Variants in FBLN2 observed in about 807,000 individuals in gnomAD.
The protein encoded by FBLN2 is fibulin 2, also known as fibulin-2.
In FBLN2, 81 loss-of-function variants were observed where a neutral mutation model predicts 123.7. The observed-to-expected ratio is 0.65, with a 90% confidence interval of 0.55 to 0.79. The LOEUF (loss-of-function observed/expected upper bound fraction) is 0.79, where lower values mean the gene tolerates loss of function less well. FBLN2 is among the 30% of genes least tolerant of loss of function. FBLN2 has a pLI of 0.00. For missense variants in FBLN2, 1,603 were observed against 1,681.3 expected, an observed-to-expected ratio of 0.95 and a Z score of 0.81; for synonymous variants, 699 against 701.4, an observed-to-expected ratio of 1.00 and a Z score of 0.05.
intron 2 of FBLN2, among the ~76,000 whole-genome samples, chr3:13,576,976 G>T (rs1704166866): frequency 6.6e-6 from 1 of 152,184 alleles, no homozygotes; most frequent in South Asian, 2.1e-4. Flanking sequence ...CCAGCACTTT[G>T]GGAGGCCGAG....
At chr3:13,623,221 T>TG (rs753384671) in intron 9 of FBLN2, among the ~76,000 whole-genome samples, 42 of 152,318 alleles carry the variant, frequency 2.8e-4, no homozygotes, top group Middle Eastern at 3.4e-3. Context: ...GGTCCGTGTG[T>TG]GTACGTCTGG....
chr3:13,627,876 T>C lies in FBLN2; in HGVS notation c.2476T>C (p.Phe826Leu), dbSNP rs1336839086. The C allele has an allele frequency of 1.9e-6, 3 of 1,613,776 alleles. No homozygotes were observed. The South Asian group carries it at 3.3e-5, about 18-fold the overall frequency. ...GGGCACGCACACCTGCCAGCCGGGC[T>C]TCTTGTGCCAGAACACCAAGGGCTC... ...AMGTHTCQPG[F>L]LCQNTKGSFY... Residue 826 changes from phenylalanine (F) to leucine (L), a missense_variant, in exon 11 of 18, where the codon TTC becomes CTC. Physicochemically the swap from Phe to Leu is conservative, Grantham distance 22 (BLOSUM62 0). Coordinates refer to ENST00000404922, the MANE Select transcript of FBLN2 (RefSeq NM_001004019.2).
At chr3:13,617,064 G>A (rs182673491) in intron 5 of FBLN2, among the ~76,000 whole-genome samples, 87 of 152,286 alleles carry the variant, frequency 5.7e-4, no homozygotes, top group Admixed American at 1.4e-3. Context: ...AGGACTCAGT[G>A]ATGAAGACTT....
chr3:13,587,909 ATG>A (rs1406727410), intron 2 of FBLN2, among the ~76,000 whole-genome samples: 3 of 152,142 alleles, frequency 2.0e-5, no homozygotes, highest in Non-Finnish European at 4.4e-5. Flanking sequence ...GACCAAACTA[ATG>A]TGTTTCTTAA....
intron 2 of FBLN2, among the ~76,000 whole-genome samples, chr3:13,599,686 T>C (rs995089206): frequency 1.3e-4 from 19 of 151,426 alleles, no homozygotes; most frequent in African/African-American, 4.1e-4. Context: ...CTGTGAGTGA[T>C]AGACTGGAGG....
chr3:13,610,613 G>A (rs1169865970), intron 4 of FBLN2, among the ~76,000 whole-genome samples: 1 of 152,196 alleles, frequency 6.6e-6, no homozygotes, highest in Non-Finnish European at 1.5e-5. Context: ...AAAGCCGTGG[G>A]AGGGATTTGC....
intron 1 of FBLN2, among the ~76,000 whole-genome samples, chr3:13,555,887 G>A (rs911357293): frequency 7.9e-5 from 12 of 152,334 alleles, no homozygotes; most frequent in African/African-American, 2.9e-4. Flanking sequence ...CAAGATCACC[G>A]AGCGTTGGTG....
At chr3:13,619,358 T>C (rs1705762512) in intron 7 of FBLN2, among the ~76,000 whole-genome samples, 5 of 151,376 alleles carry the variant, frequency 3.3e-5, no homozygotes, top group African/African-American at 1.2e-4. Context: ...GAAAGTCCTC[T>C]TCTTTGTTGT....
At chr3:13,595,895 C>T (rs1704826240) in intron 2 of FBLN2, among the ~76,000 whole-genome samples, 1 of 152,082 alleles carries the variant, frequency 6.6e-6, no homozygotes, top group Admixed American at 6.5e-5. Context: ...AGTTTCCTTC[C>T]TCCCTCCCCA....
Position 13,569,027 on chromosome 3 carries a change from G to A in FBLN2, c.-41-1288G>A, listed in dbSNP as rs567283896. The A allele has an allele frequency of 4.0e-4, 399 of 986,000 alleles. No individual in the cohort carries two copies. In the Middle Eastern group the frequency reaches 5.2e-3, roughly 13 times the overall value. The allele number at this position is 986,000 out of a possible 1,614,324, so 61.1% of individuals were successfully genotyped here. ...GGGGCTGCGCTTTAGGCTGGGAGTC[G>A]GAGAAGGAGCTCTTGCCTGTGACTT... On this transcript the variant is annotated intron_variant, in intron 1 of 17. Transcript: ENST00000404922.
chr3:13,631,743 G>A (rs921866608), intron 16 of FBLN2, among the ~76,000 whole-genome samples: 3 of 152,148 alleles, frequency 2.0e-5, no homozygotes, highest in African/African-American at 4.8e-5. Context: ...GTGTTTCTAC[G>A]GAGGCACGAA....
At chr3:13,575,501 C>T (rs1394998948) in intron 2 of FBLN2, among the ~76,000 whole-genome samples, 11 of 152,202 alleles carry the variant, frequency 7.2e-5, no homozygotes, top group East Asian at 5.8e-4. Flanking sequence ...CCAGATCAGC[C>T]GTCAGACAAG....
chr3:13,560,666 C>T (rs1703578224), intron 1 of FBLN2, among the ~76,000 whole-genome samples: 1 of 152,210 alleles, frequency 6.6e-6, no homozygotes, highest in South Asian at 2.1e-4. Context: ...AAGATTGAAG[C>T]CAACTTGATT....
In FBLN2 at chr3:13,628,968, T is replaced by A; in HGVS notation, c.2633T>A (p.Val878Glu). 6.2e-7 allele frequency: 1 copy of A among 1,613,578 alleles called. No homozygotes were observed. Among genetic ancestry groups the A allele is most frequent in the Non-Finnish European group, 8.5e-7 (1 of 1,179,754 alleles). ...CRPGFSCINT[V>E]GSYTCQRNPL... ...CCAGGCTTCAGCTGCATCAACACGG[T>A]GGGCTCCTACACATGCCAGAGGAAC... Residue 878 changes from valine (V) to glutamate (E), a missense_variant, in exon 12 of 18, where the codon GTG becomes GAG. Coordinates refer to ENST00000404922, the MANE Select transcript of FBLN2 (RefSeq NM_001004019.2).
chr3:13,570,882 G>A lies in FBLN2; in HGVS notation c.527G>A (p.Gly176Asp), dbSNP rs1243296440. The change falls in exon 2 of 18, where the codon GGT becomes GAT. Residue 176 changes from glycine (G) to aspartate (D), a missense_variant. Gly to Asp is a moderately conservative substitution (Grantham distance 94). Coordinates refer to ENST00000404922, the MANE Select transcript of FBLN2 (RefSeq NM_001004019.2). ...GAGCTCATCTGCTACCAGCTCCCCGGTTGCCACGGGAACTTCTCAGATGCC... is the reference window on the plus strand; with the variant it reads ...GAGCTCATCTGCTACCAGCTCCCCGATTGCCACGGGAACTTCTCAGATGCC... ...GGELICYQLP[G>D]CHGNFSDAEE... 1 of 1,611,812 alleles carries A rather than the reference G, an allele frequency of 6.2e-7. No homozygotes were observed. The highest frequency in any genetic ancestry group is 1.3e-5 in the African/African-American group (1 of 74,906).
At chr3:13,621,967 C>T (rs879215062) in intron 9 of FBLN2, 52 bp downstream of exon 9, 2 of 1,585,842 alleles carry the variant, frequency 1.3e-6, no homozygotes, top group South Asian at 2.3e-5. Context: ...CGCTCTGCTC[C>T]ACGCCAAGCC....
intron 2 of FBLN2, among the ~76,000 whole-genome samples, chr3:13,589,613 C>G (rs187055245): frequency 3.5e-4 from 53 of 152,308 alleles, no homozygotes; most frequent in African/African-American, 1.3e-3. Flanking sequence ...CACACACACA[C>G]ATGGATATTT....
intron 1 of FBLN2, among the ~76,000 whole-genome samples, chr3:13,567,904 G>T (rs571190558): frequency 6.6e-6 from 1 of 152,308 alleles, no homozygotes; most frequent in East Asian, 1.9e-4. Flanking sequence ...GCTGCGATGA[G>T]CTATGATCAC....
chr3:13,608,397 G>A (rs1705278957), intron 3 of FBLN2, among the ~76,000 whole-genome samples: 2 of 152,236 alleles, frequency 1.3e-5, no homozygotes, highest in South Asian at 4.1e-4. Flanking sequence ...ACATAAATTG[G>A]TAGCTGGCCT....
Sources: allele counts gnomAD v4.1 joint callset (sites outside exome capture counted in the v4.1 genomes callset), GRCh38; gene constraint gnomAD v4.1.1; transcripts MANE v1.5; gene names NCBI Gene and HGNC (gene_info 2026-07-23, HGNC 2026-07-21).